TRMU: variants seen among roughly 807,000 people sequenced by gnomAD.
TRMU encodes mitochondrial tRNA-specific 2-thiouridylase 1.
A neutral mutation model predicts 46.9 loss-of-function variants in TRMU; 49 were observed. That is an observed-to-expected ratio of 1.05 (90% CI 0.83 to 1.33). The LOEUF is 1.33. TRMU is among the 40% of genes most tolerant of loss of function. The probability of loss-of-function intolerance (pLI) is 0.00; values close to 1 mark genes in which losing one functional copy is unlikely to be tolerated. For synonymous variants in TRMU, 241 were observed against 200.9 expected (o/e 1.20, Z -1.69); for missense variants, 572 against 532.4 (o/e 1.07, Z -0.73).
chr22:46,350,861 C>T lies in TRMU; in HGVS notation c.651+398C>T, dbSNP rs931810800. Among the ~76,000 whole-genome samples, 1 of 152,226 alleles carries T rather than the reference C, an allele frequency of 6.6e-6. No individual in the cohort carries two copies. The highest frequency in any genetic ancestry group is 2.4e-5 in the African/African-American group (1 of 41,464). ...CTCATGTGCCCTGTCACCCGCTTGCCCGGCACAGACTCGTTCGGTGCCATC... is the reference window on the plus strand; with the variant it reads ...CTCATGTGCCCTGTCACCCGCTTGCTCGGCACAGACTCGTTCGGTGCCATC... On this transcript the variant is annotated intron_variant, in intron 5 of 10. Coordinates refer to ENST00000645190, the MANE Select transcript of TRMU (RefSeq NM_018006.5). The surrounding 1 kb of genome is among the most constrained non-coding windows in gnomAD (Gnocchi z 4.6).
chr22:46,338,804 C>T lies in TRMU; in HGVS notation c.248+860C>T, dbSNP rs187966374. ...GGTGAGCCCTGACTGTGATGAATGT[C>T]GGGCAGTTGTCGAAGGCGTCTGACA... On this transcript the variant is annotated intron_variant, in intron 2 of 10. Coordinates refer to ENST00000645190, the MANE Select transcript of TRMU (RefSeq NM_018006.5). This position sits in a 1 kb window ranked among gnomAD's most constrained non-coding sequence, Gnocchi z 4.5. Among the ~76,000 whole-genome samples the T allele has an allele frequency of 2.7e-3, 414 of 152,034 alleles. 6 individuals carry two copies. The highest frequency in any genetic ancestry group is 9.7e-3 in the African/African-American group (404 of 41,460).
intron 10 of TRMU, 176 bp from the exon 11 acceptor site, chr22:46,356,666 C>T: frequency 1.4e-6 from 1 of 730,450 alleles, no homozygotes; most frequent in South Asian, 1.8e-5. Flanking sequence ...CACTGGGTGC[C>T]CCAGGCCTCT....
Position 46,347,451 on chromosome 22 carries a change from A to G in TRMU, c.478+907A>G, listed in dbSNP as rs563543205. ...GCTGCAGCCTCCACCTCCTGGGCTC[A>G]AGTGATCCTCCCACCTCAGCCCCAC... On this transcript the variant is annotated intron_variant, in intron 4 of 10. Transcript: ENST00000645190. This position sits in a 1 kb window ranked among gnomAD's most constrained non-coding sequence, Gnocchi z 5.0. The G allele has an allele frequency of 6.6e-6, 1 of 152,260 alleles. No homozygotes were observed. The highest frequency in any genetic ancestry group is 1.9e-4 in the East Asian group (1 of 5,190). 9.4% of individuals were successfully genotyped at this position (152,260 alleles called of 1,614,324 possible). A position where few individuals can be genotyped will look rare whatever the true frequency, so the allele number is the denominator to read the frequency against.
Position 46,337,762 on chromosome 22 carries a change from G to C in TRMU, c.83-17G>C, listed in dbSNP as rs200886871. On this transcript the variant is annotated splice_polypyrimidine_tract_variant and intron_variant, in intron 1 of 10. Transcript: ENST00000645190. Reference sequence around the variant, plus strand: ...GTTGATTTATGTATTCTCTTTAATTGACCTTCCCGCCCGCAGGTTACCAGG... The same window carrying C: ...GTTGATTTATGTATTCTCTTTAATTCACCTTCCCGCCCGCAGGTTACCAGG... 33 of 1,614,018 alleles carry C rather than the reference G, an allele frequency of 2.0e-5. No homozygotes were observed. In the East Asian group the frequency reaches 6.0e-4, roughly 29 times the overall value.
intron 3 of TRMU, 96 bp downstream of exon 3, chr22:46,343,464 C>A: frequency 1.1e-6 from 1 of 881,694 alleles, no homozygotes; most frequent in Admixed American, 2.0e-5. Context: ...TGACTCACTG[C>A]AGCCTCGACC....
intron 3 of TRMU, among the ~76,000 whole-genome samples, chr22:46,344,799 A>G (rs991475240): frequency 2.0e-5 from 3 of 152,236 alleles, no homozygotes; most frequent in Non-Finnish European, 2.9e-5. Flanking sequence ...TTTTTCTAGT[A>G]TAAGTGCTGT....
intron 1 of TRMU, among the ~76,000 whole-genome samples, chr22:46,337,568 A>G (rs1005340520): frequency 6.6e-6 from 1 of 152,146 alleles, no homozygotes; most frequent in African/African-American, 2.4e-5. Flanking sequence ...CACAAAGATG[A>G]GAAAATACCA....
intron 4 of TRMU, among the ~76,000 whole-genome samples, 162 bp downstream of exon 4, chr22:46,346,706 G>A (rs548389707): frequency 2.0e-4 from 30 of 152,218 alleles, no homozygotes; most frequent in Non-Finnish European, 4.1e-4. Context: ...TTACCAAGAG[G>A]ACATTTTCCC....
rs2078358535 is a variant in TRMU at position 46,349,789 on chromosome 22, A to G, written c.479-502A>G. Among the ~76,000 whole-genome samples the G allele has an allele frequency of 6.6e-6, 1 of 152,220 alleles. No homozygotes were observed. The stretch of plus-strand genomic sequence containing the variant: ...CAAGAAAGCTAATGCCTTCACAGGT[A>G]GGGCGCTGCTGGAGGCATGTGCTGG... On this transcript the variant is annotated intron_variant, in intron 4 of 10. Coordinates refer to ENST00000645190, the MANE Select transcript of TRMU (RefSeq NM_018006.5). This position sits in a 1 kb window ranked among gnomAD's most constrained non-coding sequence, Gnocchi z 4.6.
Position 46,338,183 on chromosome 22 carries a change from T to G in TRMU, c.248+239T>G. The G allele has an allele frequency of 1.9e-6, 1 of 519,860 alleles. No individual in the cohort carries two copies. 32.2% of individuals were successfully genotyped at this position (519,860 alleles called of 1,614,324 possible). A position where few individuals can be genotyped will look rare whatever the true frequency, so the allele number is the denominator to read the frequency against. ...GTCATTTTGCCACTTGCCTGAAGTC[T>G]CTTTAATGCTTTCTTGGACCTTGAG... On this transcript the variant is annotated intron_variant, in intron 2 of 10. Coordinates refer to ENST00000645190, the MANE Select transcript of TRMU (RefSeq NM_018006.5). This position sits in a 1 kb window ranked among gnomAD's most constrained non-coding sequence, Gnocchi z 4.5.
At position 46,356,876 on chromosome 22, in the gene TRMU, G is replaced by A; in HGVS notation, c.1136G>A (p.Gly379Asp). 6.2e-7 allele frequency: 1 copy of A among 1,613,482 alleles called. No individual in the cohort carries two copies. The highest frequency in any genetic ancestry group is 8.5e-7 in the Non-Finnish European group (1 of 1,179,972). ...AVFYKGDECLGSGKILRLGPS... is the reference protein window; with the variant it reads ...AVFYKGDECLDSGKILRLGPS... ...TTCTACAAGGGGGACGAGTGCCTGGGCAGCGGGAAGATCCTGCGGCTGGGG... is the reference window on the plus strand; with the variant it reads ...TTCTACAAGGGGGACGAGTGCCTGGACAGCGGGAAGATCCTGCGGCTGGGG... Residue 379 changes from glycine to aspartate, a missense_variant, in exon 11 of 11, where the codon GGC (glycine) becomes GAC (aspartate). Gly to Asp is a moderately conservative substitution (Grantham distance 94). Transcript: ENST00000645190.
rs1484035634 is a variant in TRMU, at chr22:46,336,470, G to C, written c.82+624G>C. 6.6e-6 allele frequency: 1 copy of C among 152,298 alleles called. No homozygotes were observed. Among genetic ancestry groups the C allele is most frequent in the East Asian group, 1.9e-4 (1 of 5,182 alleles). 9.4% of individuals were successfully genotyped at this position (152,298 alleles called of 1,614,324 possible). On this transcript the variant is annotated intron_variant, in intron 1 of 10. Coordinates refer to ENST00000645190, the MANE Select transcript of TRMU (RefSeq NM_018006.5). The surrounding 1 kb of genome is among the most constrained non-coding windows in gnomAD (Gnocchi z 4.1). Reference sequence around the variant, plus strand: ...AATGAGCACTTGTTTAACTTCACCTGTGTGGCTCCCCGCGGGAGGCCTCAT... The same window carrying C: ...AATGAGCACTTGTTTAACTTCACCTCTGTGGCTCCCCGCGGGAGGCCTCAT...
intron 7 of TRMU, 107 bp from the exon 8 acceptor site, chr22:46,353,660 G>A (rs1440178016): frequency 3.0e-6 from 3 of 1,000,726 alleles, no homozygotes; most frequent in East Asian, 2.5e-5. Context: ...TTACACCATT[G>A]CTGGGCCTGC....
At chr22:46,356,708 A>G in intron 10 of TRMU, 134 bp from the exon 11 acceptor site, 1 of 1,097,344 alleles carries the variant, frequency 9.1e-7, no homozygotes, top group East Asian at 2.4e-5. Context: ...AGCAGCAGCA[A>G]AACCCTGCTC....
At chr22:46,355,734 G>A (rs372737056) in intron 9 of TRMU, 146 bp downstream of exon 9, 26 of 1,391,300 alleles carry the variant, frequency 1.9e-5, no homozygotes, top group Non-Finnish European at 2.5e-5. Context: ...TAGAACTCCC[G>A]TGTCCTGTGC....
chr22:46,354,114 C>A, intron 8 of TRMU: 1 of 448,690 alleles, frequency 2.2e-6, no homozygotes, highest in East Asian at 4.3e-5. Context: ...TACACAGATA[C>A]AGTTTCTCCA....
intron 10 of TRMU, 119 bp downstream of exon 10, chr22:46,356,191 G>T: frequency 1.8e-6 from 2 of 1,099,524 alleles, no homozygotes; most frequent in Non-Finnish European, 2.7e-6. Flanking sequence ...GGGTCACACA[G>T]CTGGTGAGGG....
chr22:46,355,368 T>G, intron 8 of TRMU, 76 bp from the exon 9 acceptor site: 1 of 1,574,960 alleles, frequency 6.3e-7, no homozygotes, highest in Non-Finnish European at 8.6e-7. Flanking sequence ...GGACAGTTGT[T>G]CCCAGGGACC....
rs777011826 is a variant in TRMU, at chr22:46,347,656, G to C, written c.478+1112G>C. 2.6e-5 allele frequency among the ~76,000 whole-genome samples: 4 copies of C among 152,128 alleles called. No homozygotes were observed. Among genetic ancestry groups the C allele is most frequent in the Non-Finnish European group, 4.4e-5 (3 of 68,026 alleles). ...TGAGCCACCAAGCCCGGCCTCACAC[G>C]TTTCACATCACTCCTCTTAGCAGTC... On this transcript the variant is annotated intron_variant, in intron 4 of 10. Coordinates refer to ENST00000645190, the MANE Select transcript of TRMU (RefSeq NM_018006.5). This position sits in a 1 kb window ranked among gnomAD's most constrained non-coding sequence, Gnocchi z 5.0.
Sources: gnomAD v4.1 joint callset for allele counts (sites outside exome capture counted in the v4.1 genomes callset) on GRCh38, gnomAD v4.1.1 for gene constraint, Gnocchi (gnomAD v3.1) non-coding constraint, MANE v1.5 for transcripts, NCBI Gene and HGNC (gene_info 2026-07-23, HGNC 2026-07-21) for gene names.